Variants in WDR3 observed in about 807,000 individuals in gnomAD.
The protein encoded by WDR3 is WD repeat domain 3.
In WDR3, 81 loss-of-function variants were observed where a neutral mutation model predicts 123.7. The ratio of observed to expected loss-of-function variants is 0.65; its 90% CI spans 0.55 to 0.79. The LOEUF (loss-of-function observed/expected upper bound fraction) is 0.79, where lower values mean the gene tolerates loss of function less well. WDR3 is among the 30% of genes least tolerant of loss of function. WDR3 has a pLI of 0.00. For synonymous variants in WDR3, 390 were observed against 388.8 expected (o/e 1.00, Z -0.04); for missense variants, 1,027 against 1,123.2 (o/e 0.91, Z 1.22).
At chr1:117,952,916 T>G in intron 19 of WDR3, 30 bp from the exon 20 acceptor site, 1 of 1,610,436 alleles carries the variant, frequency 6.2e-7, no homozygotes, top group Non-Finnish European at 8.5e-7. Context: ...TTTTTTTCTC[T>G]CAAATTAATG....
Position 117,934,647 on chromosome 1 carries a change from G to A in WDR3, c.346G>A (p.Asp116Asn). The change falls in exon 3 of 27, where the codon GAT (aspartate) becomes AAT (asparagine). Residue 116 changes from aspartate (D) to asparagine (N), a missense_variant. Physicochemically the swap from Asp to Asn is conservative, Grantham distance 23. Coordinates refer to ENST00000349139, the MANE Select transcript of WDR3 (RefSeq NM_006784.3). ...AGCAGCTATCACTACCTTGAAGTATGATCAGCTAGGAGGCAGACTGGCATC... is the reference window on the plus strand; with the variant it reads ...AGCAGCTATCACTACCTTGAAGTATAATCAGCTAGGAGGCAGACTGGCATC... ...HKAAITTLKY[D>N]QLGGRLASGS... 6.2e-7 allele frequency: 1 copy of A among 1,613,784 alleles called. No individual in the cohort carries two copies. Among genetic ancestry groups the A allele is most frequent in the Non-Finnish European group, 8.5e-7 (1 of 1,179,960 alleles).
chr1:117,951,932 G>A (rs776783292), intron 16 of WDR3, 44 bp from the exon 17 acceptor site: 11 of 1,544,426 alleles, frequency 7.1e-6, no homozygotes, highest in Admixed American at 1.9e-5. Flanking sequence ...ATTCATATAC[G>A]GAATTCAAAA....
chr1:117,949,900 T>G (rs563455189), intron 14 of WDR3, 64 bp downstream of exon 14: 63 of 1,610,712 alleles, frequency 3.9e-5, no homozygotes, highest in Non-Finnish European at 5.3e-5. Flanking sequence ...AATGGCCTTT[T>G]GACGTCTTAT....
intron 11 of WDR3, among the ~76,000 whole-genome samples, chr1:117,945,671 A>C (rs2101210253): frequency 6.6e-6 from 1 of 152,310 alleles, no homozygotes; most frequent in East Asian, 1.9e-4. Flanking sequence ...GTGGGCATTC[A>C]GTAAATGTTT....
At position 117,957,086 on chromosome 1, in the gene WDR3, A is replaced by T; in HGVS notation, c.2472A>T (p.Leu824=). The part of the protein sequence containing the change: ...GIKSSELEES[L]LVLPFSYVPD... ...TTTTCAGTGAGCTGGAAGAATCTCT[A>T]CTTGTGCTGCCTTTCTCTTATGTCC... Residue 824 remains leucine (L), a synonymous_variant, in exon 25 of 27, where the codon CTA becomes CTT. Transcript: ENST00000349139. The T allele has an allele frequency of 1.3e-6, 2 of 1,598,780 alleles. No homozygotes were observed. Among genetic ancestry groups the T allele is most frequent in the African/African-American group, 1.4e-5 (1 of 74,062 alleles).
At chr1:117,941,894 G>GC (rs1467007833) in intron 9 of WDR3, 47 bp downstream of exon 9, 1 of 1,523,564 alleles carries the variant, frequency 6.6e-7, no homozygotes, top group East Asian at 2.4e-5. Context: ...TCCTGGGTAG[G>GC]CCCCATGTTA....
intron 1 of WDR3, among the ~76,000 whole-genome samples, 187 bp from the exon 2 acceptor site, chr1:117,933,101 G>A (rs963843071): frequency 4.6e-5 from 7 of 152,018 alleles, no homozygotes; most frequent in Admixed American, 1.3e-4. Flanking sequence ...CTACTCGGGA[G>A]GCTGAGGCAG....
intron 21 of WDR3, 100 bp downstream of exon 21, chr1:117,953,641 A>T: frequency 8.3e-7 from 1 of 1,198,506 alleles, no homozygotes. Flanking sequence ...TTTTTTGGCA[A>T]AAAGTTGATG....
Position 117,933,413 on chromosome 1 carries a change from C to G in WDR3, c.94C>G (p.Arg32Gly). Residue 32 changes from arginine to glycine, a missense_variant, in exon 2 of 27, where the codon CGT becomes GGT. By Grantham distance (125) the Arg-to-Gly change is moderately radical. Transcript: ENST00000349139. ...AGGTAATATTGTCTTTGTGACACTT[C>G]GTGGTGAGAAAGGACGTTATGTGGC... Reference protein sequence around the residue: ...QKGNIVFVTLRGEKGRYVAVP... With the variant: ...QKGNIVFVTLGGEKGRYVAVP... The G allele has an allele frequency of 6.2e-7, 1 of 1,614,120 alleles. No individual in the cohort carries two copies. Among genetic ancestry groups the G allele is most frequent in the Non-Finnish European group, 8.5e-7 (1 of 1,180,022 alleles).
intron 24 of WDR3, among the ~76,000 whole-genome samples, chr1:117,955,647 T>C (rs1652086402): frequency 6.6e-6 from 1 of 152,140 alleles, no homozygotes; most frequent in African/African-American, 2.4e-5. Context: ...ATTGTTAATT[T>C]GTTTTATATT....
chr1:117,934,673 T>G lies in WDR3; in HGVS notation c.372T>G (p.Ser124=), dbSNP rs753983413. The G allele has an allele frequency of 6.2e-7, 1 of 1,613,218 alleles. No homozygotes were observed. Among genetic ancestry groups the G allele is most frequent in the Non-Finnish European group, 8.5e-7 (1 of 1,179,890 alleles). ...ATCAGCTAGGAGGCAGACTGGCATCTGGGTCCAAGGTGAGCCTTTGAATCA... is the reference window on the plus strand; with the variant it reads ...ATCAGCTAGGAGGCAGACTGGCATCGGGGTCCAAGGTGAGCCTTTGAATCA... ...KYDQLGGRLA[S]GSKDTDIIVW... is the part of the protein sequence containing the mutation. Residue 124 remains serine (S), a synonymous_variant, in exon 3 of 27, where the codon TCT becomes TCG. Transcript: ENST00000349139.
chr1:117,960,131 TG>T lies in WDR3; in HGVS notation c.*685del, dbSNP rs2101344006. The T allele has an allele frequency of 6.6e-6, 1 of 151,040 alleles. No homozygotes were observed. The highest frequency in any genetic ancestry group is 1.5e-5 in the Non-Finnish European group (1 of 68,070). The allele number at this position is 151,040 out of a possible 1,614,324, so 9.4% of individuals were successfully genotyped here. ...ACTCGTGTGTGTGTGTGTGTGTGTG[TG>T]TGTGTGTGTGTGTGTATGTGTATGT... On this transcript the variant is annotated 3_prime_UTR_variant, in exon 27 of 27. Coordinates refer to ENST00000349139, the MANE Select transcript of WDR3 (RefSeq NM_006784.3).
intron 12 of WDR3, among the ~76,000 whole-genome samples, chr1:117,947,820 C>T (rs749874161): frequency 5.9e-5 from 9 of 152,156 alleles, no homozygotes; most frequent in Non-Finnish European, 1.3e-4. Flanking sequence ...CATGCTGACA[C>T]CATGACTATG....
rs1254429390 is a variant in WDR3, at chr1:117,952,390, A to G, written c.1998A>G (p.Glu666=). 1 of 1,612,556 alleles carries G rather than the reference A, an allele frequency of 6.2e-7. No individual in the cohort carries two copies. Among genetic ancestry groups the G allele is most frequent in the Admixed American group, 1.7e-5 (1 of 59,858 alleles). The change falls in exon 18 of 27, where the codon GAA becomes GAG. Residue 666 remains glutamate (E), a synonymous_variant. Coordinates refer to ENST00000349139, the MANE Select transcript of WDR3 (RefSeq NM_006784.3). ...AACAGTGGGATGCAGACAAATTTGA[A>G]CACATACAGACTCTGGAGGTAACCA... is the stretch of plus-strand genomic sequence containing the variant. The part of the protein sequence containing the change: ...KIKQWDADKF[E]HIQTLEGHHQ...
chr1:117,948,935 A>G (rs1300972879), intron 13 of WDR3, among the ~76,000 whole-genome samples: 1 of 152,142 alleles, frequency 6.6e-6, no homozygotes, highest in Non-Finnish European at 1.5e-5. Flanking sequence ...TTCCTGGCAA[A>G]AGTATGCTTA....
intron 23 of WDR3, 141 bp from the exon 24 acceptor site, chr1:117,955,174 A>C: frequency 3.1e-6 from 2 of 638,172 alleles, no homozygotes; most frequent in South Asian, 2.4e-5. Flanking sequence ...CTGACTCTAA[A>C]CTCATGCAGA....
At chr1:117,944,846 C>T (rs1465722575) in intron 11 of WDR3, among the ~76,000 whole-genome samples, 1 of 152,056 alleles carries the variant, frequency 6.6e-6, no homozygotes, top group Non-Finnish European at 1.5e-5. Context: ...GGATTACAGG[C>T]GTGTGCCACC....
intron 1 of WDR3, among the ~76,000 whole-genome samples, chr1:117,931,722 T>TA (rs1291376559): frequency 6.6e-6 from 1 of 152,140 alleles, no homozygotes; most frequent in Non-Finnish European, 1.5e-5. Context: ...AAGGAACAAC[T>TA]ACAGAGTCTG....
chr1:117,931,052 A>G (rs1284615817), intron 1 of WDR3, among the ~76,000 whole-genome samples: 3 of 152,174 alleles, frequency 2.0e-5, no homozygotes, highest in Non-Finnish European at 2.9e-5. Context: ...GACTCAAGTG[A>G]TCTTTCTGCC....
Sources: gnomAD v4.1 joint callset for allele counts (sites outside exome capture counted in the v4.1 genomes callset) on GRCh38, gnomAD v4.1.1 for gene constraint, MANE v1.5 for transcripts, NCBI Gene and HGNC (gene_info 2026-07-23, HGNC 2026-07-21) for gene names.